The following PAX8 variants were observed in gnomAD, a reference collection of about 807,000 sequenced individuals.
PAX8 encodes paired box protein Pax-8.
In PAX8, 15 loss-of-function variants were observed where a neutral mutation model predicts 52.4. The ratio of observed to expected loss-of-function variants is 0.29; its 90% CI spans 0.19 to 0.44. The LOEUF is 0.44. Ranked by LOEUF, PAX8 falls within the 20% of genes least tolerant of loss-of-function variation. The pLI, the probability that PAX8 is intolerant of heterozygous loss-of-function variation, is 1.00. For missense variants in PAX8, 554 were observed against 602.5 expected (o/e 0.92, Z 0.84); for synonymous variants, 284 against 249.7 (o/e 1.14, Z -1.29).
intron 7 of PAX8, chr2:113,240,234 TC>T (rs1249681406): frequency 2.6e-5 from 4 of 152,276 alleles, no homozygotes; most frequent in Non-Finnish European, 5.9e-5. Flanking sequence ...CCAGGCCCTC[TC>T]CCCATGCTGC....
At chr2:113,226,941 G>A in intron 10 of PAX8, 4 of 1,464,676 alleles carry the variant, frequency 2.7e-6, no homozygotes, top group Non-Finnish European at 3.6e-6. Flanking sequence ...CTGGGAAGAA[G>A]GAGGCCGAGC....
chr2:113,216,354 C>A lies in PAX8; in HGVS notation c.*2179G>T, dbSNP rs899980006. ...GCATCCCTAACCGCTCTTTGGGAGG[C>A]CTAAGGAGGTAAGAGCCCTCTCTCC... On this transcript the variant is annotated 3_prime_UTR_variant, in exon 12 of 12. Coordinates refer to ENST00000429538, the MANE Select transcript of PAX8 (RefSeq NM_003466.4). 3.9e-5 allele frequency: 9 copies of A among 231,918 alleles called. No individual in the cohort carries two copies. Among genetic ancestry groups the A allele is most frequent in the Non-Finnish European group, 6.8e-5 (8 of 117,298 alleles). The allele number at this position is 231,918 out of a possible 1,614,324, so 14.4% of individuals were successfully genotyped here.
chr2:113,239,213 GCACGC>G (rs1165208183), intron 7 of PAX8: 1 of 152,088 alleles, frequency 6.6e-6, no homozygotes, highest in East Asian at 1.9e-4. Context: ...GATTACAGGT[GCACGC>G]CACCAGGCCT....
chr2:113,254,696 G>C (rs931330504), intron 2 of PAX8, among the ~76,000 whole-genome samples: 1 of 152,144 alleles, frequency 6.6e-6, no homozygotes, highest in African/African-American at 2.4e-5. Flanking sequence ...CCCTGACTTA[G>C]TGTTCAAGCC....
chr2:113,256,631 T>A (rs1374740462), intron 2 of PAX8, among the ~76,000 whole-genome samples: 3 of 92,176 alleles, frequency 3.3e-5, no homozygotes, highest in South Asian at 3.8e-4. Context: ...TATATATATA[T>A]GTGTGTGTGT....
Position 113,235,574 on chromosome 2 carries a change from A to G in PAX8, c.907T>C (p.Ser303Pro). The part of the protein sequence containing the change: ...QTYPVVADPH[S>P]PFAIKQETPE... ...GTTTCCTGCTTTATGGCGAAGGGTGAGTGAGGATCTGCCGGAGGGAGGGAG... is the reference window on the plus strand; with the variant it reads ...GTTTCCTGCTTTATGGCGAAGGGTGGGTGAGGATCTGCCGGAGGGAGGGAG... The change falls in exon 9 of 12, where the codon TCA becomes CCA. Residue 303 changes from serine to proline, a missense_variant. Transcript: ENST00000429538. 1 of 1,610,214 alleles carries G rather than the reference A, an allele frequency of 6.2e-7. No homozygotes were observed. The highest frequency in any genetic ancestry group is 1.7e-4 in the Middle Eastern group (1 of 6,040).
At chr2:113,236,439 C>G (rs1010115844) in intron 8 of PAX8, 162 bp downstream of exon 8, 2 of 624,520 alleles carry the variant, frequency 3.2e-6, no homozygotes, top group African/African-American at 3.8e-5. Context: ...CCTTGAGGCC[C>G]GGCCTAGGAC....
At chr2:113,275,425 G>T (rs1693731744) in intron 2 of PAX8, 1 of 152,202 alleles carries the variant, frequency 6.6e-6, no homozygotes, top group African/African-American at 2.4e-5. Context: ...AACCTGGGAA[G>T]AAAACAGATC....
rs551406566 is a variant in PAX8 at position 113,278,239 on chromosome 2, C to T, written c.25+131G>A. 1.1e-5 allele frequency: 8 copies of T among 720,816 alleles called. No individual in the cohort carries two copies. In the East Asian group the frequency reaches 2.2e-4, roughly 20 times the overall value. The allele number at this position is 720,816 out of a possible 1,614,324, so 44.7% of individuals were successfully genotyped here. ...AGCGGAGGGCCAGGCCCCAGGCGCCCCAGCTGGGTCCCCACGCGGGTGGGT... is the reference window on the plus strand; with the variant it reads ...AGCGGAGGGCCAGGCCCCAGGCGCCTCAGCTGGGTCCCCACGCGGGTGGGT... On this transcript the variant is annotated intron_variant, in intron 2 of 11. Transcript: ENST00000429538.
At chr2:113,268,021 TGA>T in intron 2 of PAX8, 1 of 152,350 alleles carries the variant, frequency 6.6e-6, no homozygotes, top group Non-Finnish European at 1.5e-5. Flanking sequence ...TGCGTGAGCC[TGA>T]GAGAGAGAGC....
intron 8 of PAX8, 140 bp downstream of exon 8, chr2:113,236,461 C>T (rs1475425852): frequency 3.3e-6 from 3 of 897,060 alleles, no homozygotes; most frequent in Non-Finnish European, 5.0e-6. Context: ...GGAGGCGCGA[C>T]CCCTGGGCCC....
At chr2:113,268,895 T>G (rs561311360) in intron 2 of PAX8, 2 of 152,492 alleles carry the variant, frequency 1.3e-5, no homozygotes, top group East Asian at 3.9e-4. Context: ...GGGGGAGCCC[T>G]GAGGCCCAGG....
In PAX8 at chr2:113,218,552, G is replaced by A. The variant is rs746547401; in HGVS notation, c.1334C>T (p.Thr445Met). Reference protein sequence around the residue: ...SRPSAPPTTATAFDHL With the variant: ...SRPSAPPTTAMAFDHL Reference sequence around the variant, plus strand: ...TGGCAACTACAGATGGTCAAAGGCCGTGGCAGTGGTGGGCGGTGCACTCGG... The same window carrying A: ...TGGCAACTACAGATGGTCAAAGGCCATGGCAGTGGTGGGCGGTGCACTCGG... The change falls in exon 12 of 12, where the codon ACG becomes ATG. Residue 445 changes from threonine to methionine, a missense_variant. This residue lies in a region of PAX8 where 445 missense variants were observed against 409.9 expected (regional missense o/e 1.09). Coordinates refer to ENST00000429538, the MANE Select transcript of PAX8 (RefSeq NM_003466.4). 30 of 1,556,166 alleles carry A rather than the reference G, an allele frequency of 1.9e-5. No individual in the cohort carries two copies. Among genetic ancestry groups the A allele is most frequent in the Non-Finnish European group, 2.3e-5 (27 of 1,149,368 alleles).
Position 113,235,561 on chromosome 2 carries a change from A to T in PAX8, c.920T>A (p.Ile307Lys), listed in dbSNP as rs760553635. 6.2e-7 allele frequency: 1 copy of T among 1,613,124 alleles called. No individual in the cohort carries two copies. Among genetic ancestry groups the T allele is most frequent in the Non-Finnish European group, 8.5e-7 (1 of 1,179,360 alleles). Residue 307 changes from isoleucine (I) to lysine (K), a missense_variant, in exon 9 of 12, where the codon ATA (isoleucine) becomes AAA (lysine). Physicochemically the swap from Ile to Lys is moderately radical, Grantham distance 102. This residue lies in a region of PAX8 where 445 missense variants were observed against 409.9 expected (regional missense o/e 1.09). Coordinates refer to ENST00000429538, the MANE Select transcript of PAX8 (RefSeq NM_003466.4). Reference protein sequence around the residue: ...VVADPHSPFAIKQETPEVSSS... With the variant: ...VVADPHSPFAKKQETPEVSSS... Reference sequence around the variant, plus strand: ...GGACACCTCGGGGGTTTCCTGCTTTATGGCGAAGGGTGAGTGAGGATCTGC... The same window carrying T: ...GGACACCTCGGGGGTTTCCTGCTTTTTGGCGAAGGGTGAGTGAGGATCTGC...
chr2:113,232,618 T>C (rs1374409758), intron 9 of PAX8, among the ~76,000 whole-genome samples: 1 of 152,200 alleles, frequency 6.6e-6, no homozygotes, highest in Non-Finnish European at 1.5e-5. Flanking sequence ...AGAGTGGGCA[T>C]GTCCACTAAA....
At chr2:113,229,817 G>C (rs1414925540) in intron 9 of PAX8, among the ~76,000 whole-genome samples, 1 of 152,324 alleles carries the variant, frequency 6.6e-6, no homozygotes, top group South Asian at 2.1e-4. Context: ...GTGACAGGAA[G>C]TCTGTGAGAG....
rs368201100 is a variant in PAX8, at chr2:113,218,569, T to C, written c.1317A>G (p.Ala439=). 4.0e-3 allele frequency: 6,267 copies of C among 1,559,894 alleles called. 21 individuals carry two copies. The highest frequency in any genetic ancestry group is 5.0e-3 in the Non-Finnish European group (5,771 of 1,151,726). ...CAAAGGCCGTGGCAGTGGTGGGCGGTGCACTCGGCCTTGATGTGGAACTGT... is the reference window on the plus strand; with the variant it reads ...CAAAGGCCGTGGCAGTGGTGGGCGGCGCACTCGGCCTTGATGTGGAACTGT... ...YYYSSTSRPS[A]PPTTATAFDH... is the part of the protein sequence containing the mutation. Residue 439 remains alanine, a synonymous_variant, in exon 12 of 12, where the codon GCA becomes GCG. Transcript: ENST00000429538.
chr2:113,264,172 T>C (rs1692891225), intron 2 of PAX8, among the ~76,000 whole-genome samples: 1 of 152,192 alleles, frequency 6.6e-6, no homozygotes, highest in Non-Finnish European at 1.5e-5. Flanking sequence ...GGAAGGTCCC[T>C]TGTTGGTTCA....
chr2:113,248,615 T>A (rs1691511583), intron 2 of PAX8, among the ~76,000 whole-genome samples: 1 of 152,134 alleles, frequency 6.6e-6, no homozygotes, highest in South Asian at 2.1e-4. Context: ...TTGCAATGTC[T>A]CCTCAGGGGC....
Sources: allele counts gnomAD v4.1 joint callset (sites outside exome capture counted in the v4.1 genomes callset), GRCh38; gene constraint gnomAD v4.1.1; regional missense constraint gnomAD v4.1.1; transcripts MANE v1.5; gene names NCBI Gene and HGNC (gene_info 2026-07-23, HGNC 2026-07-21).